Variants in ZDHHC11B observed in about 807,000 individuals in gnomAD.
ZDHHC11B encodes probable palmitoyltransferase ZDHHC11B.
A neutral mutation model predicts 42.3 loss-of-function variants in ZDHHC11B; 17 were observed. The observed-to-expected ratio is 0.40, with a 90% CI of 0.27 to 0.60. The LOEUF is 0.60. Among genes scored for constraint, ZDHHC11B ranks in the 20% least tolerant of loss-of-function variants. ZDHHC11B has a pLI of 0.41. For synonymous variants in ZDHHC11B, 123 were observed against 193.5 expected, an observed-to-expected ratio of 0.64 and a Z score of 3.02; for missense variants, 262 against 463.2, an observed-to-expected ratio of 0.57 and a Z score of 3.99.
chr5:766,639 C>T, intron 4 of ZDHHC11B, 59 bp downstream of exon 4: 1 of 1,508,768 alleles, frequency 6.6e-7, no homozygotes, highest in South Asian at 1.2e-5. Flanking sequence ...CAGCCAGGTC[C>T]ATCGCAGGGT....
chr5:759,127 C>G (rs1256619522), intron 4 of ZDHHC11B, among the ~76,000 whole-genome samples: 1 of 151,908 alleles, frequency 6.6e-6, no homozygotes, highest in East Asian at 1.9e-4. Flanking sequence ...CTTTCATCAC[C>G]CAAACTGCCT....
chr5:724,118 C>T (rs1165907244), intron 12 of ZDHHC11B, among the ~76,000 whole-genome samples: 1 of 151,812 alleles, frequency 6.6e-6, no homozygotes, highest in African/African-American at 2.4e-5. Context: ...TCAGTGCTCC[C>T]AGCCATGCCC....
Position 727,358 on chromosome 5 carries a change from G to A in ZDHHC11B, c.1058+3076C>T, listed in dbSNP as rs1409183088. On this transcript the variant is annotated intron_variant, in intron 12 of 13. Coordinates refer to ENST00000508859, the MANE Select transcript of ZDHHC11B (RefSeq NM_001351303.2). ...CTCCCAGCGGAGTTGGGATGCCAGG[G>A]AAACGCTATCGGCCACTCTCAAAAT... Among the ~76,000 whole-genome samples the A allele has an allele frequency of 2.7e-5, 4 of 146,076 alleles. No individual in the cohort carries two copies. In the East Asian group the frequency reaches 8.1e-4, roughly 30 times the overall value.
chr5:750,411 C>T (rs573940424), intron 7 of ZDHHC11B, among the ~76,000 whole-genome samples: 157 of 144,196 alleles, frequency 1.1e-3, no homozygotes, highest in African/African-American at 3.8e-3. Context: ...CCACCCCTGC[C>T]TCCATCCTCA....
At position 733,680 on chromosome 5, in the gene ZDHHC11B, T is replaced by C; in HGVS notation, c.1023+72A>G. 2 of 1,374,794 alleles carry C rather than the reference T, an allele frequency of 1.5e-6. 1 individual carries two copies. Among genetic ancestry groups the C allele is most frequent in the South Asian group, 2.4e-5 (2 of 83,740 alleles). 85.2% of individuals were successfully genotyped at this position (1,374,794 alleles called of 1,614,324 possible). On this transcript the variant is annotated intron_variant, in intron 11 of 13. Transcript: ENST00000508859. ...TCTGAATACTGCCTTAACCTCAGCT[T>C]GGGGGACCCGAGACCACATATTCTG...
In ZDHHC11B at chr5:774,496, G is replaced by A. The variant is rs373731168; in HGVS notation, c.-229-5566C>T. On this transcript the variant is annotated intron_variant, in intron 1 of 13. Transcript: ENST00000508859. ...CCGGGACCTGTCCCTTGGGCCTGGA[G>A]CCTGTTACTAGGACCTGGGGTCTGT... Among the ~76,000 whole-genome samples, 38 of 152,294 alleles carry A rather than the reference G, an allele frequency of 2.5e-4. No homozygotes were observed. In the South Asian group the frequency reaches 6.9e-3, roughly 28 times the overall value.
chr5:722,609 G>A (rs1195053145), intron 12 of ZDHHC11B, among the ~76,000 whole-genome samples: 1 of 151,624 alleles, frequency 6.6e-6, no homozygotes, highest in Non-Finnish European at 1.5e-5. Flanking sequence ...AAAAACAGTG[G>A]CCTTATCTCT....
intron 1 of ZDHHC11B, among the ~76,000 whole-genome samples, chr5:778,413 G>A (rs1736719499): frequency 2.7e-5 from 4 of 150,448 alleles, no homozygotes; most frequent in South Asian, 2.1e-4. Flanking sequence ...TCTCAAGGGA[G>A]GCACAATGGG....
intron 1 of ZDHHC11B, among the ~76,000 whole-genome samples, chr5:769,955 C>A (rs1262269359): frequency 6.6e-6 from 1 of 151,886 alleles, no homozygotes. Flanking sequence ...GAGGTCTGAC[C>A]AGCACCACAG....
intron 1 of ZDHHC11B, 119 bp from the exon 2 acceptor site, chr5:769,049 AT>A: frequency 1.4e-6 from 1 of 722,666 alleles, no homozygotes; most frequent in African/African-American, 1.7e-5. Context: ...GGGTGGGGGG[AT>A]TTTATAATGA....
chr5:737,000 C>CA lies in ZDHHC11B; in HGVS notation c.936-3162dup, dbSNP rs1254879339. On this transcript the variant is annotated intron_variant, in intron 10 of 13. Transcript: ENST00000508859. ...ACTAAATGAAATTCAAACAAAAAAA[C>CA]AAAAAAACCACAAAAGATAAATCAA... Among the ~76,000 whole-genome samples the CA allele has an allele frequency of 3.5e-5, 5 of 144,732 alleles. 1 individual carries two copies. The highest frequency in any genetic ancestry group is 7.7e-5 in the African/African-American group (3 of 39,196). The allele number at this position is 144,732 out of a possible 152,430, so 94.9% of individuals were successfully genotyped here. A position where few individuals can be genotyped will look rare whatever the true frequency, so the allele number is the denominator to read the frequency against.
intron 13 of ZDHHC11B, among the ~76,000 whole-genome samples, chr5:714,585 C>G (rs1415190367): frequency 2.8e-5 from 3 of 108,564 alleles, no homozygotes; most frequent in Non-Finnish European, 6.3e-5. Flanking sequence ...AAAAATAATG[C>G]AAATGATAAA....
rs1405816923 is a variant in ZDHHC11B, at chr5:720,979, T to A, written c.1059-4114A>T. ...ATTTAAAATTAGCCAAGTGTGGTGA[T>A]GTGTGCCTGTAGTCCTAGTTACTTG... On this transcript the variant is annotated intron_variant, in intron 12 of 13. Coordinates refer to ENST00000508859, the MANE Select transcript of ZDHHC11B (RefSeq NM_001351303.2). 2.9e-4 allele frequency among the ~76,000 whole-genome samples: 44 copies of A among 151,842 alleles called. 1 individual carries two copies. Among genetic ancestry groups the A allele is most frequent in the African/African-American group, 1.0e-3 (42 of 41,278 alleles).
chr5:729,533 A>G (rs1742851445), intron 12 of ZDHHC11B, among the ~76,000 whole-genome samples: 2 of 125,608 alleles, frequency 1.6e-5, no homozygotes, highest in African/African-American at 6.0e-5. Flanking sequence ...AGTGTGAGAG[A>G]GTGTGACTGT....
intron 13 of ZDHHC11B, among the ~76,000 whole-genome samples, chr5:715,181 G>A (rs1741658430): frequency 6.6e-6 from 1 of 150,868 alleles, no homozygotes; most frequent in African/African-American, 2.5e-5. Flanking sequence ...GACACGCCTT[G>A]TGTCCATCAC....
At chr5:772,684 G>C (rs570906114) in intron 1 of ZDHHC11B, among the ~76,000 whole-genome samples, 3 of 151,984 alleles carry the variant, frequency 2.0e-5, no homozygotes, top group African/African-American at 7.2e-5. Context: ...ACCAGGCCCA[G>C]GCAGTTCTGG....
chr5:760,118 C>T (rs1466621260), intron 4 of ZDHHC11B, among the ~76,000 whole-genome samples: 2 of 151,764 alleles, frequency 1.3e-5, no homozygotes, highest in African/African-American at 4.8e-5. Flanking sequence ...CAGGTGACAG[C>T]TCAGAGGCAC....
chr5:717,972 A>G (rs532684006), intron 12 of ZDHHC11B, among the ~76,000 whole-genome samples: 88 of 152,024 alleles, frequency 5.8e-4, no homozygotes, highest in South Asian at 2.9e-3. Context: ...TGGTAGACAC[A>G]GAGAAGTGCA....
chr5:752,806 T>A (rs2127104067), intron 6 of ZDHHC11B, among the ~76,000 whole-genome samples: 1 of 103,710 alleles, frequency 9.6e-6, no homozygotes, highest in South Asian at 4.6e-4. Flanking sequence ...CGCCCTACCC[T>A]GCCCCCAGTC....
Sources: gnomAD v4.1 joint callset for allele counts (sites outside exome capture counted in the v4.1 genomes callset) on GRCh38, gnomAD v4.1.1 for gene constraint, MANE v1.5 for transcripts, NCBI Gene and HGNC (gene_info 2026-07-23, HGNC 2026-07-21) for gene names.